Variants in RP1 observed in about 807,000 individuals in gnomAD.
The protein encoded by RP1 is oxygen-regulated protein 1.
RP1 carries 16 observed loss-of-function variants against 14.8 expected under a neutral mutation model. That is an observed-to-expected ratio of 1.08 (90% CI 0.73 to 1.65). The LOEUF is 1.65. Among genes scored for constraint, RP1 ranks in the 40% most tolerant of loss-of-function variants. The pLI, the probability that RP1 is intolerant of heterozygous loss-of-function variation, is 0.00. For synonymous variants in RP1, 876 were observed against 883.6 expected, an observed-to-expected ratio of 0.99 and a Z score of 0.15; for missense variants, 2,631 against 2,535.0, an observed-to-expected ratio of 1.04 and a Z score of -0.81.
At chr8:54,832,967 A>T (rs567174683) in intron 24 of RP1, among the ~76,000 whole-genome samples, 1 of 152,140 alleles carries the variant, frequency 6.6e-6, no homozygotes, top group Non-Finnish European at 1.5e-5. Flanking sequence ...TCTTTTTCTA[A>T]AGTCACTTGT....
intron 4 of RP1, among the ~76,000 whole-genome samples, chr8:54,649,721 A>C (rs1806617791): frequency 6.6e-6 from 1 of 152,210 alleles, no homozygotes; most frequent in Non-Finnish European, 1.5e-5. Flanking sequence ...CTGTTGAATA[A>C]ATTAATGGAT....
chr8:54,870,183 C>T (rs1475613956), exon 29 of RP1: 2 of 341,802 alleles, frequency 5.9e-6, no homozygotes, highest in Non-Finnish European at 1.0e-5. Context: ...TGCTCACCTC[C>T]TCCCCCTCCT....
At chr8:54,604,857 T>C (rs1169736266) in intron 1 of RP1, among the ~76,000 whole-genome samples, 1 of 152,210 alleles carries the variant, frequency 6.6e-6, no homozygotes, top group African/African-American at 2.4e-5. Flanking sequence ...TGATGGTAGT[T>C]TGTATTTCTG....
At chr8:54,583,537 C>G (rs1454601073) in intron 1 of RP1, among the ~76,000 whole-genome samples, 1 of 152,188 alleles carries the variant, frequency 6.6e-6, no homozygotes, top group Non-Finnish European at 1.5e-5. Flanking sequence ...GGAGGATTCC[C>G]TCTTTTTCTA....
chr8:54,803,879 C>G (rs1810777134), intron 24 of RP1, among the ~76,000 whole-genome samples: 1 of 151,940 alleles, frequency 6.6e-6, no homozygotes, highest in African/African-American at 2.4e-5. Flanking sequence ...ACTAGCCTGA[C>G]CAACATGGTG....
At chr8:54,761,526 G>A (rs1436519301) in intron 22 of RP1, among the ~76,000 whole-genome samples, 7 of 152,042 alleles carry the variant, frequency 4.6e-5, no homozygotes, top group Non-Finnish European at 1.0e-4. Flanking sequence ...ATGAGCCACC[G>A]CACCTGGCCC....
intron 24 of RP1, among the ~76,000 whole-genome samples, chr8:54,836,778 A>G (rs1392178563): frequency 6.6e-6 from 1 of 152,172 alleles, no homozygotes; most frequent in Non-Finnish European, 1.5e-5. Flanking sequence ...GAAGACAATA[A>G]ATGGGTCTTA....
chr8:54,712,020 G>A (rs1469233377), intron 15 of RP1, among the ~76,000 whole-genome samples: 1 of 152,142 alleles, frequency 6.6e-6, no homozygotes, highest in Admixed American at 6.5e-5. Context: ...AGTAAGGCCT[G>A]TCCAGGTTTT....
At chr8:54,852,808 A>C in intron 26 of RP1, 2 of 1,041,524 alleles carry the variant, frequency 1.9e-6, no homozygotes, top group Non-Finnish European at 2.5e-6. Flanking sequence ...ACAAACAGAA[A>C]ATTTCTGAGA....
At chr8:54,640,857 G>C (rs377404080) in intron 3 of RP1, among the ~76,000 whole-genome samples, 17 of 152,020 alleles carry the variant, frequency 1.1e-4, no homozygotes, top group African/African-American at 4.1e-4. Context: ...TTCAAACAAC[G>C]GTGGCTAAGA....
chr8:54,650,614 C>G (rs1052409761), intron 4 of RP1, among the ~76,000 whole-genome samples: 1 of 151,926 alleles, frequency 6.6e-6, no homozygotes. Context: ...CTAGCAACCT[C>G]TGTCTTGTCT....
At chr8:54,815,750 G>T (rs577621511) in intron 24 of RP1, among the ~76,000 whole-genome samples, 53 of 152,138 alleles carry the variant, frequency 3.5e-4, no homozygotes, top group African/African-American at 1.3e-3. Flanking sequence ...ATACCAGGCC[G>T]ATATTTTAGA....
intron 16 of RP1, chr8:54,726,197 T>C: frequency 1.1e-6 from 1 of 875,568 alleles, no homozygotes; most frequent in East Asian, 2.9e-5. Flanking sequence ...TTCTGTTAAC[T>C]ATGTAATTCT....
intron 17 of RP1, among the ~76,000 whole-genome samples, chr8:54,732,627 T>C (rs1808821589): frequency 6.6e-6 from 1 of 152,186 alleles, no homozygotes; most frequent in Admixed American, 6.5e-5. Context: ...TGACCTAGGA[T>C]CACCAGTTTC....
intron 6 of RP1, among the ~76,000 whole-genome samples, chr8:54,662,789 T>C (rs1159737067): frequency 6.6e-6 from 1 of 152,180 alleles, no homozygotes; most frequent in Non-Finnish European, 1.5e-5. Context: ...GTTGGTCTTC[T>C]TCCCCATTCC....
chr8:54,747,914 C>T (rs1333558170), intron 19 of RP1, among the ~76,000 whole-genome samples: 1 of 152,250 alleles, frequency 6.6e-6, no homozygotes, highest in Non-Finnish European at 1.5e-5. Flanking sequence ...TCTCTTGGCC[C>T]ATGGCCTAAT....
chr8:54,802,623 A>C (rs1240089892), intron 24 of RP1, among the ~76,000 whole-genome samples: 1 of 152,202 alleles, frequency 6.6e-6, no homozygotes, highest in Non-Finnish European at 1.5e-5. Context: ...AAAGGCTGCT[A>C]TTCATTTCAA....
chr8:54,696,665 G>T (rs779661810), intron 12 of RP1: 20 of 818,418 alleles, frequency 2.4e-5, no homozygotes, highest in Middle Eastern at 2.4e-4. Flanking sequence ...CTTGGCCTTT[G>T]TTGTACGCAT....
At chr8:54,670,615 A>G (rs1457119595) in intron 7 of RP1, among the ~76,000 whole-genome samples, 1 of 139,024 alleles carries the variant, frequency 7.2e-6, no homozygotes, top group African/African-American at 2.7e-5. Context: ...ATGTATATGT[A>G]TATATGTATA....
Sources: allele counts gnomAD v4.1 joint callset (sites outside exome capture counted in the v4.1 genomes callset), GRCh38; gene constraint gnomAD v4.1.1; transcripts MANE v1.5; gene names NCBI Gene and HGNC (gene_info 2026-07-23, HGNC 2026-07-21).